The following TENM1 variants were observed in gnomAD, a reference collection of about 807,000 sequenced individuals.
TENM1 encodes teneurin transmembrane protein 1.
TENM1 carries 35 observed loss-of-function variants against 174.8 expected under a neutral mutation model. That is an observed-to-expected ratio of 0.20 (90% CI 0.15 to 0.27). TENM1 has a LOEUF of 0.27. Ranked by LOEUF, TENM1 falls within the 10% of genes least tolerant of loss-of-function variation. TENM1 has a pLI of 1.00. For synonymous variants in TENM1, 781 were observed against 798.7 expected, an observed-to-expected ratio of 0.98 and a Z score of 0.37; for missense variants, 1,633 against 2,130.1, an observed-to-expected ratio of 0.77 and a Z score of 4.59.
chrX:124,533,171 T>C (rs2048142272), intron 15 of TENM1, among the ~76,000 whole-genome samples: 1 of 111,679 alleles, frequency 9.0e-6, no homozygotes, highest in Non-Finnish European at 1.9e-5. Context: ...AAGTATGGCA[T>C]ATTGTGCCAC....
intron 6 of TENM1, among the ~76,000 whole-genome samples, chrX:124,666,200 G>A (rs958031142): frequency 4.5e-5 from 5 of 111,422 alleles, no homozygotes; most frequent in African/African-American, 1.6e-4. Flanking sequence ...CCAAGGCCAG[G>A]CTTATGCAAA....
the TENM1 span, among the ~76,000 whole-genome samples, chrX:125,159,253 A>G: frequency 8.9e-6 from 1 of 112,151 alleles, no homozygotes; most frequent in East Asian, 2.8e-4. Flanking sequence ...CTCCCTTGGA[A>G]CGCTCAGACT....
At chrX:124,860,539 G>A (rs569400171) in intron 3 of TENM1, among the ~76,000 whole-genome samples, 15 of 111,265 alleles carry the variant, frequency 1.3e-4, no homozygotes, top group African/African-American at 4.9e-4. Context: ...ATTAAACCTC[G>A]CTAAGGACTA....
chrX:124,631,627 C>T (rs1360882569), intron 11 of TENM1, among the ~76,000 whole-genome samples: 1 of 110,932 alleles, frequency 9.0e-6, no homozygotes, highest in South Asian at 3.9e-4. Context: ...TGGCTGGATG[C>T]AGTGGCTCGT....
At position 124,932,605 on chromosome X, in the gene TENM1, A is replaced by C. The variant is rs749278270; in HGVS notation, c.217+30932T>G. Among the ~76,000 whole-genome samples the C allele has an allele frequency of 1.6e-4, 18 of 112,179 alleles. No homozygotes were observed. In the South Asian group the frequency reaches 6.7e-3, roughly 42 times the overall value. On this transcript the variant is annotated intron_variant, in intron 1 of 31. Coordinates refer to ENST00000422452, the Ensembl canonical transcript of TENM1. Reference sequence around the variant, plus strand: ...GTCAGAAGTTGTGAAGGAAGACTTTATCAAAGAGGCGAGACTTGAGTTAGG... The same window carrying C: ...GTCAGAAGTTGTGAAGGAAGACTTTCTCAAAGAGGCGAGACTTGAGTTAGG...
the TENM1 span, among the ~76,000 whole-genome samples, chrX:125,041,128 T>A: frequency 1.8e-5 from 2 of 111,939 alleles, no homozygotes; most frequent in Non-Finnish European, 3.8e-5. Flanking sequence ...TATTTCAGAA[T>A]CACTTTTCCC....
chrX:125,019,160 G>T, the TENM1 span, among the ~76,000 whole-genome samples: 1 of 111,285 alleles, frequency 9.0e-6, no homozygotes, highest in Non-Finnish European at 1.9e-5. Flanking sequence ...TTTAACATCA[G>T]TGCTGGAAAA....
At chrX:124,664,348 C>A (rs2051685861) in intron 6 of TENM1, among the ~76,000 whole-genome samples, 1 of 110,407 alleles carries the variant, frequency 9.1e-6, no homozygotes, top group South Asian at 3.9e-4. Context: ...ACAATGATTA[C>A]CTGGGTGGGG....
intron 11 of TENM1, among the ~76,000 whole-genome samples, chrX:124,576,232 G>A (rs1173496115): frequency 2.7e-5 from 3 of 110,925 alleles, no homozygotes; most frequent in African/African-American, 9.8e-5. Context: ...GAAAATTTTT[G>A]TATTTTTAGT....
At chrX:124,981,246 C>G in the TENM1 span, among the ~76,000 whole-genome samples, 18 of 111,569 alleles carry the variant, frequency 1.6e-4, no homozygotes, top group African/African-American at 6.5e-5. Context: ...TGGGCAAAAA[C>G]CCCGGTTTTA....
At chrX:124,442,741 C>T (rs1177430893) in intron 23 of TENM1, among the ~76,000 whole-genome samples, 2 of 111,307 alleles carry the variant, frequency 1.8e-5, no homozygotes, top group Non-Finnish European at 3.8e-5. Flanking sequence ...CAGCCCACTG[C>T]AGCCTTGTCC....
chrX:124,839,077 C>T (rs527881899), intron 3 of TENM1, among the ~76,000 whole-genome samples: 9 of 111,131 alleles, frequency 8.1e-5, no homozygotes, highest in African/African-American at 2.3e-4. Flanking sequence ...AGATAATCTG[C>T]GGTTTATTCA....
intron 11 of TENM1, among the ~76,000 whole-genome samples, chrX:124,632,914 T>C (rs1223338420): frequency 1.8e-5 from 2 of 111,605 alleles, no homozygotes; most frequent in Admixed American, 1.9e-4. Flanking sequence ...TTTTACACAA[T>C]TGAATTATGG....
intron 3 of TENM1, among the ~76,000 whole-genome samples, chrX:124,764,824 C>T (rs1273359223): frequency 9.1e-6 from 1 of 110,288 alleles, no homozygotes; most frequent in African/African-American, 3.3e-5. Flanking sequence ...CCCAGTATAC[C>T]TTTGCATATT....
chrX:124,974,888 C>CTATATATATATATATATATATATTA, the TENM1 span, among the ~76,000 whole-genome samples: 1 of 72,727 alleles, frequency 1.4e-5, no homozygotes, highest in African/African-American at 5.5e-5. Flanking sequence ...GGGACTGACA[C>CTATATATATATATATATATATATTA]TATATATATA....
intron 3 of TENM1, among the ~76,000 whole-genome samples, chrX:124,799,903 T>C (rs956148069): frequency 8.9e-6 from 1 of 112,101 alleles, no homozygotes; most frequent in African/African-American, 3.2e-5. Flanking sequence ...ATGAATTACA[T>C]TTGTTGATTT....
intron 3 of TENM1, among the ~76,000 whole-genome samples, chrX:124,799,611 A>T (rs1294500641): frequency 1.8e-5 from 2 of 111,214 alleles, no homozygotes; most frequent in Non-Finnish European, 3.8e-5. Flanking sequence ...CTTTTGCCTG[A>T]TTACCCTGCC....
chrX:125,196,604 A>G, the TENM1 span, among the ~76,000 whole-genome samples: 2 of 111,881 alleles, frequency 1.8e-5, no homozygotes, highest in Non-Finnish European at 3.8e-5. Context: ...TTTTGTTGAT[A>G]GGAATTGAGT....
chrX:124,974,569 G>A, the TENM1 span, among the ~76,000 whole-genome samples: 5 of 110,389 alleles, frequency 4.5e-5, no homozygotes, highest in Admixed American at 9.9e-5. Flanking sequence ...ATTAAATAGC[G>A]ATGATCTCAC....
Sources: allele counts gnomAD v4.1 joint callset (sites outside exome capture counted in the v4.1 genomes callset), GRCh38; gene constraint gnomAD v4.1.1; transcripts MANE v1.5; gene names NCBI Gene and HGNC (gene_info 2026-07-23, HGNC 2026-07-21).